ZNF12: variants seen among roughly 807,000 people sequenced by gnomAD.
ZNF12 encodes gonadotropin inducible transcription repressor 3.
In ZNF12, 34 loss-of-function variants were observed where a neutral mutation model predicts 66.6. The ratio of observed to expected loss-of-function variants is 0.51; its 90% CI spans 0.39 to 0.68. The LOEUF is 0.68. Among genes scored for constraint, ZNF12 ranks in the 30% least tolerant of loss-of-function variants. ZNF12 has a pLI of 0.00. For synonymous variants in ZNF12, 320 were observed against 278.9 expected, an observed-to-expected ratio of 1.15 and a Z score of -1.47; for missense variants, 697 against 826.9, an observed-to-expected ratio of 0.84 and a Z score of 1.93.
Position 6,705,136 on chromosome 7 carries a change from A to G in ZNF12, c.15+23T>C. ...GTATTGTAAATCAGAGTAGAGAATA[A>G]ATACATGAACAGAAACACTCACCAG... is the stretch of plus-strand genomic sequence containing the variant. On this transcript the variant is annotated intron_variant, in intron 2 of 4. Transcript: ENST00000405858. This position sits in a 1 kb window ranked among gnomAD's most constrained non-coding sequence, Gnocchi z 4.0. The G allele has an allele frequency of 6.2e-7, 1 of 1,612,880 alleles. No homozygotes were observed. The highest frequency in any genetic ancestry group is 8.5e-7 in the Non-Finnish European group (1 of 1,179,306).
chr7:6,705,121 T>A lies in ZNF12; in HGVS notation c.15+38A>T, dbSNP rs758243449. On this transcript the variant is annotated intron_variant, in intron 2 of 4. Coordinates refer to ENST00000405858, the MANE Select transcript of ZNF12 (RefSeq NM_016265.4). This position sits in a 1 kb window ranked among gnomAD's most constrained non-coding sequence, Gnocchi z 4.0. ...ATCTCCTCCTAAGGTGTATTGTAAATCAGAGTAGAGAATAAATACATGAAC... is the reference window on the plus strand; with the variant it reads ...ATCTCCTCCTAAGGTGTATTGTAAAACAGAGTAGAGAATAAATACATGAAC... 3.1e-6 allele frequency: 5 copies of A among 1,609,916 alleles called. No individual in the cohort carries two copies. The highest frequency in any genetic ancestry group is 4.2e-6 in the Non-Finnish European group (5 of 1,177,714).
At position 6,691,656 on chromosome 7, in the gene ZNF12, C is replaced by G. The variant is rs543510016; in HGVS notation, c.1286G>C (p.Arg429Thr). 2 of 1,613,600 alleles carry G rather than the reference C, an allele frequency of 1.2e-6. No individual in the cohort carries two copies. The highest frequency in any genetic ancestry group is 3.3e-5 in the Admixed American group (2 of 59,988). Residue 429 changes from arginine (R) to threonine (T), a missense_variant, in exon 5 of 5, where the codon AGG becomes ACG. By Grantham distance (71) the Arg-to-Thr change is moderately conservative. Around this residue, in one of 3 missense-constraint regions of ZNF12, gnomAD observed 401 missense variants for 519.0 expected, o/e 0.77. Transcript: ENST00000405858. ...CRKSTLTTHL[R>T]THTGEKPYEC... is the part of the protein sequence containing the mutation. ...ATACGGTTTCTCTCCTGTGTGGGTCCTCAGGTGGGTCGTGAGAGTAGACTT... is the reference window on the plus strand; with the variant it reads ...ATACGGTTTCTCTCCTGTGTGGGTCGTCAGGTGGGTCGTGAGAGTAGACTT...
rs543298227 is a variant in ZNF12 at position 6,706,371 on chromosome 7, C to T, written c.-51+61G>A. 3.1e-3 allele frequency: 1,403 copies of T among 456,386 alleles called. 20 individuals are homozygous for T. Among genetic ancestry groups the T allele is most frequent in the South Asian group, 0.021 (1,367 of 64,516 alleles). 28.3% of individuals were successfully genotyped at this position (456,386 alleles called of 1,614,324 possible). ...TCCACTGTCCCTCACTCTAAGGTGC[C>T]CTACACGCGGTGACTTCACCCAGGC... On this transcript the variant is annotated intron_variant, in intron 1 of 4. Coordinates refer to ENST00000405858, the MANE Select transcript of ZNF12 (RefSeq NM_016265.4).
chr7:6,693,966 G>T (rs962689638), intron 4 of ZNF12, among the ~76,000 whole-genome samples: 3 of 152,044 alleles, frequency 2.0e-5, no homozygotes, highest in African/African-American at 7.2e-5. Context: ...TCAGGAGTTC[G>T]AGACCAGCCT....
chr7:6,692,143 T>G lies in ZNF12; in HGVS notation c.799A>C (p.Lys267Gln). The change falls in exon 5 of 5, where the codon AAG becomes CAG. Residue 267 changes from lysine to glutamine, a missense_variant. By Grantham distance (53) the Lys-to-Gln change is moderately conservative. This residue lies in a region of ZNF12 where 401 missense variants were observed against 519.0 expected (regional missense o/e 0.77). Transcript: ENST00000405858. This position sits in a 1 kb window ranked among gnomAD's most constrained non-coding sequence, Gnocchi z 5.1. ...CCACATTCACTGCATTCATAGGGCT[T>G]CATTTCCATATGAGATGTCTGATGT... The part of the protein sequence containing the change: ...TVHQTSHMEM[K>Q]PYECSECGKS... 6.2e-7 allele frequency: 1 copy of G among 1,614,156 alleles called. No individual in the cohort carries two copies.
At position 6,692,338 on chromosome 7, in the gene ZNF12, T is replaced by C; in HGVS notation, c.604A>G (p.Asn202Asp). 1.2e-6 allele frequency: 2 copies of C among 1,609,826 alleles called. No homozygotes were observed. Among genetic ancestry groups the C allele is most frequent in the Non-Finnish European group, 1.7e-6 (2 of 1,178,334 alleles). Residue 202 changes from asparagine to aspartate, a missense_variant, in exon 5 of 5, where the codon AAT becomes GAT. Physicochemically the swap from Asn to Asp is conservative, Grantham distance 23. Transcript: ENST00000405858. This position sits in a 1 kb window ranked among gnomAD's most constrained non-coding sequence, Gnocchi z 5.1. ...FNQNGEPYTLNEESLYQKIRI... is the reference protein window; with the variant it reads ...FNQNGEPYTLDEESLYQKIRI... Reference sequence around the variant, plus strand: ...ATTTTCTGATAAAGACTTTCTTCATTTAGAGTATAAGGTTCCCCATTTTGA... The same window carrying C: ...ATTTTCTGATAAAGACTTTCTTCATCTAGAGTATAAGGTTCCCCATTTTGA...
At chr7:6,699,728 G>T (rs148666828) in intron 2 of ZNF12, among the ~76,000 whole-genome samples, 94 of 152,252 alleles carry the variant, frequency 6.2e-4, no homozygotes, top group South Asian at 1.5e-3. Context: ...TGCTTAGTAT[G>T]TCCACCTGAT....
Position 6,697,746 on chromosome 7 carries a change from A to G in ZNF12, c.81T>C (p.Pro27=). The G allele has an allele frequency of 6.2e-7, 1 of 1,614,204 alleles. No homozygotes were observed. The highest frequency in any genetic ancestry group is 2.2e-5 in the East Asian group (1 of 44,882). The change falls in exon 3 of 5, where the codon CCT becomes CCC. Residue 27 remains proline, a synonymous_variant. Transcript: ENST00000405858. This position sits in a 1 kb window ranked among gnomAD's most constrained non-coding sequence, Gnocchi z 6.1. ...FTQEEWQQLD[P]EQKITYRDVM... ...CATCCCTGTAAGTTATCTTCTGCTC[A>G]GGATCCAGCTGCTGCCATTCCTCCT...
intron 2 of ZNF12, among the ~76,000 whole-genome samples, chr7:6,699,841 C>T (rs2115352740): frequency 6.6e-6 from 1 of 152,178 alleles, no homozygotes. Context: ...CAGGAAAAGT[C>T]ACAAAAGGAA....
At chr7:6,704,568 TAAAAAAAA>T (rs752684046) in intron 2 of ZNF12, among the ~76,000 whole-genome samples, 2 of 84,836 alleles carry the variant, frequency 2.4e-5, no homozygotes, top group Non-Finnish European at 4.5e-5. Flanking sequence ...GTCTCTACTT[TAAAAAAAA>T]AAAAAAAAAA....
chr7:6,700,304 T>TAC (rs71539972), intron 2 of ZNF12, among the ~76,000 whole-genome samples: 4,512 of 129,002 alleles, frequency 0.035, 81 homozygotes, highest in East Asian at 0.042. Context: ...AAAAAAAATA[T>TAC]ACACACACAC....
rs1206889510 is a variant in ZNF12 at position 6,706,490 on chromosome 7, T to C, written c.-109A>G. ...TCCCGACAGGCCGGGGCGGGATTGC[T>C]GTCGCGGGCGCGCGTCTGCTCGCGA... On this transcript the variant is annotated 5_prime_UTR_variant, in exon 1 of 5. Coordinates refer to ENST00000405858, the MANE Select transcript of ZNF12 (RefSeq NM_016265.4). The C allele has an allele frequency of 2.1e-6, 1 of 472,154 alleles. No individual in the cohort carries two copies. Among genetic ancestry groups the C allele is most frequent in the Admixed American group, 2.3e-5 (1 of 44,222 alleles). 29.2% of individuals were successfully genotyped at this position (472,154 alleles called of 1,614,324 possible). A position where few individuals can be genotyped will look rare whatever the true frequency, so the allele number is the denominator to read the frequency against.
intron 4 of ZNF12, among the ~76,000 whole-genome samples, chr7:6,695,512 G>A (rs1037510302): frequency 1.3e-5 from 2 of 152,182 alleles, no homozygotes; most frequent in African/African-American, 4.8e-5. Flanking sequence ...GCCCAGGCAT[G>A]CATATTTAGA....
Position 6,697,994 on chromosome 7 carries a change from A to G in ZNF12, c.16-183T>C, listed in dbSNP as rs754701539. On this transcript the variant is annotated intron_variant, in intron 2 of 4. Coordinates refer to ENST00000405858, the MANE Select transcript of ZNF12 (RefSeq NM_016265.4). This position sits in a 1 kb window ranked among gnomAD's most constrained non-coding sequence, Gnocchi z 6.1. ...TCTGGGGTTCATTCAGTATACATCAAACAAAAAACAAAAAACAAAAAAACA... is the reference window on the plus strand; with the variant it reads ...TCTGGGGTTCATTCAGTATACATCAGACAAAAAACAAAAAACAAAAAAACA... 2.5e-6 allele frequency: 2 copies of G among 803,560 alleles called. No homozygotes were observed. The highest frequency in any genetic ancestry group is 4.4e-6 in the Non-Finnish European group (2 of 456,410). 49.8% of individuals were successfully genotyped at this position (803,560 alleles called of 1,614,324 possible).
rs566548322 is a variant in ZNF12, at chr7:6,689,916, A to G, written c.*932T>C. The stretch of plus-strand genomic sequence containing the variant: ...ACAGTAGAAAAAAAAATAGATACAA[A>G]TGGGAATATTTTAAGTATATCTTAA... On this transcript the variant is annotated 3_prime_UTR_variant, in exon 5 of 5. Transcript: ENST00000405858. The G allele has an allele frequency of 1.3e-5, 2 of 152,502 alleles. No homozygotes were observed. Among genetic ancestry groups the G allele is most frequent in the South Asian group, 4.1e-4 (2 of 4,832 alleles). 9.4% of individuals were successfully genotyped at this position (152,502 alleles called of 1,614,324 possible).
chr7:6,703,782 C>G (rs146953556), intron 2 of ZNF12, among the ~76,000 whole-genome samples: 1 of 152,182 alleles, frequency 6.6e-6, no homozygotes. Context: ...CCAAAGAAAT[C>G]ATCAATTTCA....
chr7:6,698,062 G>A lies in ZNF12; in HGVS notation c.16-251C>T, dbSNP rs753431089. On this transcript the variant is annotated intron_variant, in intron 2 of 4. Transcript: ENST00000405858. The surrounding 1 kb of genome is among the most constrained non-coding windows in gnomAD (Gnocchi z 4.4). ...TGAGCCAGAAACAATCCTGGCTGTTGGGAACTCTTAACACCAGCAGGGACG... is the reference window on the plus strand; with the variant it reads ...TGAGCCAGAAACAATCCTGGCTGTTAGGAACTCTTAACACCAGCAGGGACG... 4 of 691,826 alleles carry A rather than the reference G, an allele frequency of 5.8e-6. No individual in the cohort carries two copies. Among genetic ancestry groups the A allele is most frequent in the South Asian group, 1.4e-5 (1 of 72,320 alleles). 42.9% of individuals were successfully genotyped at this position (691,826 alleles called of 1,614,324 possible). A position where few individuals can be genotyped will look rare whatever the true frequency, so the allele number is the denominator to read the frequency against.
chr7:6,691,541 A>G lies in ZNF12; in HGVS notation c.1401T>C (p.Cys467=), dbSNP rs781298353. The change falls in exon 5 of 5, where the codon TGT becomes TGC. Residue 467 remains cysteine, a synonymous_variant. Coordinates refer to ENST00000405858, the MANE Select transcript of ZNF12 (RefSeq NM_016265.4). The part of the protein sequence containing the change: ...RTHSGEKPYE[C]NECGKTFYLN... The stretch of plus-strand genomic sequence containing the variant: ...GGTAGAAGGTTTTTCCACATTCATT[A>G]CATTCATAGGGTTTCTCTCCTGAAT... 6.2e-6 allele frequency: 10 copies of G among 1,614,106 alleles called. No individual in the cohort carries two copies. Among genetic ancestry groups the G allele is most frequent in the Non-Finnish European group, 8.5e-6 (10 of 1,179,978 alleles).
At chr7:6,706,117 C>T (rs1780351743) in intron 1 of ZNF12, among the ~76,000 whole-genome samples, 1 of 152,136 alleles carries the variant, frequency 6.6e-6, no homozygotes, top group African/African-American at 2.4e-5. Context: ...AAGAGCAGAC[C>T]TAAGGGGGAA....
Sources: allele counts gnomAD v4.1 joint callset (sites outside exome capture counted in the v4.1 genomes callset), GRCh38; gene constraint gnomAD v4.1.1; regional missense constraint gnomAD v4.1.1; non-coding constraint Gnocchi (gnomAD v3.1); transcripts MANE v1.5; gene names NCBI Gene and HGNC (gene_info 2026-07-23, HGNC 2026-07-21).